The following SCYL3 variants were observed in gnomAD, a reference collection of about 807,000 sequenced individuals.
The protein encoded by SCYL3 is SCY1 like pseudokinase 3.
A neutral mutation model predicts 73.8 loss-of-function variants in SCYL3; 35 were observed. The observed-to-expected ratio is 0.47, with a 90% confidence interval of 0.36 to 0.63. The LOEUF (loss-of-function observed/expected upper bound fraction) is 0.63. SCYL3 is among the 20% of genes least tolerant of loss of function. The pLI, the probability that SCYL3 is intolerant of heterozygous loss-of-function variation, is 0.00. For missense variants in SCYL3, 712 were observed against 798.9 expected, an observed-to-expected ratio of 0.89 and a Z score of 1.31; for synonymous variants, 277 against 295.2, an observed-to-expected ratio of 0.94 and a Z score of 0.63.
Position 169,866,965 on chromosome 1 carries a change from A to C in SCYL3, c.746T>G (p.Phe249Cys). ...LLSHDFFRND[F>C]LEVVNFLKSL... ...TTTCAAGAAATTCACAACTTCCAGAAAATCATTTCTAAATGCCAAAAAGAG... is the reference window on the plus strand; with the variant it reads ...TTTCAAGAAATTCACAACTTCCAGACAATCATTTCTAAATGCCAAAAAGAG... The change falls in exon 8 of 13, where the codon TTT becomes TGT. Residue 249 changes from phenylalanine to cysteine, a missense_variant. Phe to Cys is a radical substitution (Grantham distance 205, BLOSUM62 -2). Around this residue, in one of 2 missense-constraint regions of SCYL3, gnomAD observed 342 missense variants for 448.1 expected, o/e 0.76. Coordinates refer to ENST00000367771, the MANE Select transcript of SCYL3 (RefSeq NM_020423.7). 1 of 1,581,288 alleles carries C rather than the reference A, an allele frequency of 6.3e-7. No homozygotes were observed.
intron 5 of SCYL3, among the ~76,000 whole-genome samples, chr1:169,873,050 T>G (rs1382932667): frequency 6.6e-6 from 1 of 152,098 alleles, no homozygotes; most frequent in African/African-American, 2.4e-5. Flanking sequence ...TGTGAGGACA[T>G]GAGACTGGGG....
At chr1:169,876,694 G>A (rs1361113758) in intron 3 of SCYL3, among the ~76,000 whole-genome samples, 5 of 151,910 alleles carry the variant, frequency 3.3e-5, no homozygotes, top group South Asian at 2.1e-4. Flanking sequence ...AGTGGCTCAC[G>A]CCTGTAATCC....
At chr1:169,872,783 C>G (rs1157981634) in intron 5 of SCYL3, among the ~76,000 whole-genome samples, 1 of 152,202 alleles carries the variant, frequency 6.6e-6, no homozygotes, top group East Asian at 1.9e-4. Context: ...TAAGATTTGA[C>G]TGCCTCACTG....
chr1:169,853,786 A>C lies in SCYL3; in HGVS notation c.2008-14T>G, dbSNP rs1207025933. On this transcript the variant is annotated splice_polypyrimidine_tract_variant and intron_variant, in intron 12 of 12. Transcript: ENST00000367771. ...TTCAGCCTCTCCCTGCAACAAAATA[A>C]AGCACACCAAGAACCCACTGAAACA... The C allele has an allele frequency of 6.2e-7, 1 of 1,613,768 alleles. No individual in the cohort carries two copies. The highest frequency in any genetic ancestry group is 8.5e-7 in the Non-Finnish European group (1 of 1,179,850).
intron 11 of SCYL3, 73 bp from the exon 12 acceptor site, chr1:169,855,037 T>A: frequency 1.8e-6 from 2 of 1,093,584 alleles, no homozygotes; most frequent in Non-Finnish European, 2.6e-6. Flanking sequence ...AGGATAGCAT[T>A]AAGGAAGTGT....
chr1:169,867,469 G>A (rs1482611275), intron 7 of SCYL3, among the ~76,000 whole-genome samples: 2 of 152,144 alleles, frequency 1.3e-5, no homozygotes, highest in African/African-American at 4.8e-5. Context: ...AGGAGTGGTC[G>A]GTTTCCTACA....
chr1:169,855,663 A>C, intron 11 of SCYL3: 1 of 781,446 alleles, frequency 1.3e-6, no homozygotes, highest in Non-Finnish European at 2.0e-6. Context: ...TGGAGAAACA[A>C]GATGAGACCA....
Position 169,850,743 on chromosome 1 carries a change from C to T in SCYL3, c.*2970G>A. ...CTGGGGAGGTAGAGATTGCAGTAAG[C>T]CAAGATCATGCCACTGCACTCCAGC... On this transcript the variant is annotated 3_prime_UTR_variant, in exon 13 of 13. Transcript: ENST00000367771. 1 of 168,048 alleles carries T rather than the reference C, an allele frequency of 6.0e-6. No individual in the cohort carries two copies. Among genetic ancestry groups the T allele is most frequent in the Non-Finnish European group, 1.3e-5 (1 of 76,728 alleles). The allele number at this position is 168,048 out of a possible 1,614,324, so 10.4% of individuals were successfully genotyped here. A position where few individuals can be genotyped will look rare whatever the true frequency, so the allele number is the denominator to read the frequency against.
At chr1:169,861,537 GAT>G (rs1428971922) in intron 10 of SCYL3, among the ~76,000 whole-genome samples, 2 of 152,148 alleles carry the variant, frequency 1.3e-5, no homozygotes, top group African/African-American at 4.8e-5. Context: ...AGACTCAGCT[GAT>G]ATGTGGAACA....
intron 1 of SCYL3, among the ~76,000 whole-genome samples, chr1:169,893,419 G>A (rs1238775775): frequency 1.3e-5 from 2 of 151,960 alleles, no homozygotes; most frequent in Non-Finnish European, 2.9e-5. Flanking sequence ...TGCTTGCCGC[G>A]ACCCCGCGGG....
At chr1:169,864,876 G>A (rs1212757170) in intron 8 of SCYL3, among the ~76,000 whole-genome samples, 1 of 151,786 alleles carries the variant, frequency 6.6e-6, no homozygotes, top group Non-Finnish European at 1.5e-5. Flanking sequence ...GGGAGGCTGA[G>A]GTTCAATCGC....
At chr1:169,889,930 G>A (rs1332971724) in intron 1 of SCYL3, among the ~76,000 whole-genome samples, 1 of 152,230 alleles carries the variant, frequency 6.6e-6, no homozygotes, top group Non-Finnish European at 1.5e-5. Context: ...TGGAAGGTCA[G>A]ATTATAGGTA....
chr1:169,862,245 C>T lies in SCYL3; in HGVS notation c.1140+368G>A, dbSNP rs557781305. ...AATAAGGTTCCCTAGTGGCTGATAA[C>T]AACAGGCTGAAAGCCACTGATAAGA... On this transcript the variant is annotated intron_variant, in intron 10 of 12. Coordinates refer to ENST00000367771, the MANE Select transcript of SCYL3 (RefSeq NM_020423.7). 1.1e-4 allele frequency among the ~76,000 whole-genome samples: 16 copies of T among 152,328 alleles called. No homozygotes were observed. In the East Asian group the frequency reaches 1.5e-3, roughly 15 times the overall value.
In SCYL3 at chr1:169,853,785, A is replaced by T. The variant is rs1326876889; in HGVS notation, c.2008-13T>A. 1.2e-6 allele frequency: 2 copies of T among 1,613,784 alleles called. No homozygotes were observed. The highest frequency in any genetic ancestry group is 3.3e-5 in the Admixed American group (2 of 59,986). On this transcript the variant is annotated splice_polypyrimidine_tract_variant and intron_variant, in intron 12 of 12. Coordinates refer to ENST00000367771, the MANE Select transcript of SCYL3 (RefSeq NM_020423.7). ...CTTCAGCCTCTCCCTGCAACAAAAT[A>T]AAGCACACCAAGAACCCACTGAAAC...
chr1:169,882,548 C>A (rs572937953), intron 2 of SCYL3, among the ~76,000 whole-genome samples: 1 of 152,338 alleles, frequency 6.6e-6, no homozygotes, highest in Admixed American at 6.5e-5. Context: ...AGTGCGGGAT[C>A]CACTGGGTGA....
chr1:169,859,293 A>G (rs1226370136), intron 10 of SCYL3, 81 bp from the exon 11 acceptor site: 1 of 1,348,322 alleles, frequency 7.4e-7, no homozygotes, highest in Admixed American at 2.7e-5. Flanking sequence ...ATTGGGCTGC[A>G]AACAGATTGT....
chr1:169,864,287 A>G, intron 9 of SCYL3, 82 bp downstream of exon 9: 1 of 1,553,042 alleles, frequency 6.4e-7, no homozygotes, highest in Non-Finnish European at 8.9e-7. Flanking sequence ...ACTACACCAC[A>G]CAGTAATCTC....
At chr1:169,858,682 C>T (rs941091901) in intron 11 of SCYL3, among the ~76,000 whole-genome samples, 2 of 152,156 alleles carry the variant, frequency 1.3e-5, no homozygotes, top group African/African-American at 4.8e-5. Flanking sequence ...CATTCCACTA[C>T]AGCTACAACA....
Position 169,849,687 on chromosome 1 carries a change from T to C in SCYL3, c.*4026A>G. ...TTCCAGAACAATCCCAAAACATTTA[T>C]TGAACTGCTTCTGTATTGCAATCGG... On this transcript the variant is annotated 3_prime_UTR_variant, in exon 13 of 13. Transcript: ENST00000367771. 1 of 1,086,522 alleles carries C rather than the reference T, an allele frequency of 9.2e-7. No individual in the cohort carries two copies. The highest frequency in any genetic ancestry group is 1.4e-6 in the Non-Finnish European group (1 of 722,582). The allele number at this position is 1,086,522 out of a possible 1,614,324, so 67.3% of individuals were successfully genotyped here.
Sources: allele counts gnomAD v4.1 joint callset (sites outside exome capture counted in the v4.1 genomes callset), GRCh38; gene constraint gnomAD v4.1.1; regional missense constraint gnomAD v4.1.1; transcripts MANE v1.5; gene names NCBI Gene and HGNC (gene_info 2026-07-23, HGNC 2026-07-21).